Variants in PDE1C observed in about 807,000 individuals in gnomAD.
PDE1C encodes the protein dual specificity calcium/calmodulin-dependent 3',5'-cyclic nucleotide phosphodiesterase 1C.
A neutral mutation model predicts 93.1 loss-of-function variants in PDE1C; 62 were observed. The ratio of observed to expected loss-of-function variants is 0.67; its 90% CI spans 0.54 to 0.82. The LOEUF (loss-of-function observed/expected upper bound fraction) is 0.82. Among genes scored for constraint, PDE1C ranks in the 40% least tolerant of loss-of-function variants. PDE1C has a pLI of 0.00. For missense variants in PDE1C, 742 were observed against 884.6 expected (o/e 0.84, Z 2.04); for synonymous variants, 325 against 310.1 (o/e 1.05, Z -0.50).
chr7:32,128,711 G>T (rs1480798286), intron 3 of PDE1C, among the ~76,000 whole-genome samples: 1 of 150,862 alleles, frequency 6.6e-6, no homozygotes. Context: ...CAGCTTTGGG[G>T]GACAATTTAT....
chr7:32,079,448 C>T (rs1469402127), intron 3 of PDE1C, among the ~76,000 whole-genome samples: 1 of 152,210 alleles, frequency 6.6e-6, no homozygotes, highest in African/African-American at 2.4e-5. Flanking sequence ...GTGTAACAAA[C>T]TATCCTCAAA....
At chr7:31,643,456 G>A in the PDE1C span, 1 of 1,613,992 alleles carries the variant, frequency 6.2e-7, no homozygotes, top group Non-Finnish European at 8.5e-7. Flanking sequence ...AGCTGAGATG[G>A]AAAACCTTCC....
intron 1 of PDE1C, among the ~76,000 whole-genome samples, chr7:32,343,575 G>A (rs387575): frequency 0.8 from 121,816 of 152,198 alleles, 49,081 homozygotes; most frequent in Admixed American, 0.85. Flanking sequence ...ATATTACTCC[G>A]ACAACTCAAG....
chr7:32,047,364 T>C (rs1464124569), intron 2 of PDE1C, among the ~76,000 whole-genome samples: 11 of 152,144 alleles, frequency 7.2e-5, no homozygotes, highest in Admixed American at 7.2e-4. Flanking sequence ...TTGACCCTCA[T>C]GAACAAGATT....
At chr7:31,696,398 T>C in the PDE1C span, among the ~76,000 whole-genome samples, 1 of 152,232 alleles carries the variant, frequency 6.6e-6, no homozygotes, top group African/African-American at 2.4e-5. Context: ...AAGGGAGTTC[T>C]TAAAAAGGAC....
chr7:31,943,544 A>G (rs1281145985), intron 2 of PDE1C, among the ~76,000 whole-genome samples: 2 of 152,162 alleles, frequency 1.3e-5, no homozygotes, highest in African/African-American at 2.4e-5. Flanking sequence ...TTTTCTTCCA[A>G]CCTAACATTG....
chr7:32,346,885 C>T (rs1783863732), intron 1 of PDE1C, among the ~76,000 whole-genome samples: 1 of 152,126 alleles, frequency 6.6e-6, no homozygotes. Context: ...ACAGGGAAAA[C>T]TATAGAATCA....
the PDE1C span, among the ~76,000 whole-genome samples, chr7:31,650,100 G>T: frequency 6.6e-6 from 1 of 152,118 alleles, no homozygotes. Flanking sequence ...GGGGACAGAG[G>T]CCCAAACCTT....
chr7:32,062,279 T>G (rs2128712003), intron 1 of PDE1C, among the ~76,000 whole-genome samples: 1 of 152,302 alleles, frequency 6.6e-6, no homozygotes, highest in East Asian at 1.9e-4. Flanking sequence ...TGGATCTACC[T>G]CCTAAAAAGT....
the PDE1C span, among the ~76,000 whole-genome samples, chr7:31,687,580 A>G: frequency 6.6e-6 from 1 of 152,242 alleles, no homozygotes; most frequent in Non-Finnish European, 1.5e-5. Flanking sequence ...CACACAGGAT[A>G]GAGAGGTTTA....
chr7:31,988,876 T>A (rs1277651963), intron 2 of PDE1C, among the ~76,000 whole-genome samples: 1 of 151,256 alleles, frequency 6.6e-6, no homozygotes, highest in Non-Finnish European at 1.5e-5. Context: ...ATGCCTGTAA[T>A]CCCAGCTACT....
the PDE1C span, among the ~76,000 whole-genome samples, chr7:31,660,658 A>C: frequency 6.6e-6 from 1 of 152,120 alleles, no homozygotes. Flanking sequence ...CTTATTTGTC[A>C]GCCCTTATTT....
chr7:31,975,209 C>G (rs1811495565), intron 2 of PDE1C, among the ~76,000 whole-genome samples: 1 of 152,288 alleles, frequency 6.6e-6, no homozygotes, highest in Admixed American at 6.5e-5. Flanking sequence ...TGACCAACAC[C>G]AAATGGGGGG....
intron 1 of PDE1C, among the ~76,000 whole-genome samples, chr7:32,404,936 A>G (rs1042882562): frequency 2.6e-5 from 4 of 152,206 alleles, no homozygotes; most frequent in Admixed American, 6.5e-5. Context: ...CTCACTTAAA[A>G]TATCTCAGCT....
intron 14 of PDE1C, among the ~76,000 whole-genome samples, chr7:31,816,848 CT>C (rs145635264): frequency 0.016 from 2,485 of 152,198 alleles, 25 homozygotes; most frequent in African/African-American, 0.028. Context: ...GGTACCTGGT[CT>C]GTGTCTTTCC....
chr7:32,262,725 T>C (rs1810298795), intron 1 of PDE1C, among the ~76,000 whole-genome samples: 1 of 152,236 alleles, frequency 6.6e-6, no homozygotes, highest in South Asian at 2.1e-4. Context: ...CTGTGAGCTT[T>C]GGGAAGGGGG....
chr7:32,407,780 G>A (rs112902969), intron 1 of PDE1C, among the ~76,000 whole-genome samples: 2,217 of 152,210 alleles, frequency 0.015, 64 homozygotes, highest in African/African-American at 0.051. Context: ...TGGAGCCTGG[G>A]TTGAGGATCC....
chr7:32,365,082 C>T (rs376682291), intron 1 of PDE1C, among the ~76,000 whole-genome samples: 2 of 152,156 alleles, frequency 1.3e-5, no homozygotes, highest in African/African-American at 4.8e-5. Flanking sequence ...AGAAACAGCC[C>T]CACAGTGAAA....
At chr7:31,672,097 T>TA in the PDE1C span, among the ~76,000 whole-genome samples, 1 of 152,226 alleles carries the variant, frequency 6.6e-6, no homozygotes, top group Non-Finnish European at 1.5e-5. Flanking sequence ...ATAGGGACTT[T>TA]AAAATGCTCA....
Sources: allele counts gnomAD v4.1 joint callset (sites outside exome capture counted in the v4.1 genomes callset), GRCh38; gene constraint gnomAD v4.1.1; transcripts MANE v1.5; gene names NCBI Gene and HGNC (gene_info 2026-07-23, HGNC 2026-07-21).